Variants in PRXL2A observed in about 807,000 individuals in gnomAD.
The protein encoded by PRXL2A is peroxiredoxin-like 2A.
In PRXL2A, 26 loss-of-function variants were observed where a neutral mutation model predicts 25.6. That is an observed-to-expected ratio of 1.02 (90% CI 0.74 to 1.41). PRXL2A has a LOEUF of 1.41. PRXL2A is among the 40% of genes most tolerant of loss of function. The pLI, the probability that PRXL2A is intolerant of heterozygous loss-of-function variation, is 0.00. For missense variants in PRXL2A, 246 were observed against 273.9 expected, an observed-to-expected ratio of 0.90 and a Z score of 0.72; for synonymous variants, 98 against 102.9, an observed-to-expected ratio of 0.95 and a Z score of 0.29.
chr10:80,423,654 A>C (rs1268755711), intron 3 of PRXL2A, among the ~76,000 whole-genome samples: 2 of 152,136 alleles, frequency 1.3e-5, no homozygotes, highest in Non-Finnish European at 2.9e-5. Context: ...GTGGGTCCTC[A>C]CCATAGCCCT....
In PRXL2A at chr10:80,432,011, A is replaced by G. The variant is rs551469759; in HGVS notation, c.602A>G (p.Lys201Arg). Residue 201 changes from lysine (K) to arginine (R), a missense_variant, in exon 6 of 6, where the codon AAA (lysine) becomes AGA (arginine). Physicochemically the swap from Lys to Arg is conservative, Grantham distance 26 (BLOSUM62 2). Transcript: ENST00000606162. Reference sequence around the variant, plus strand: ...GGCATTCTTCTTGAGCACCGAGAAAAAGAATTTGGAGACAAAGTAAACCTA... The same window carrying G: ...GGCATTCTTCTTGAGCACCGAGAAAGAGAATTTGGAGACAAAGTAAACCTA... ...KQGILLEHRE[K>R]EFGDKVNLLS... 5.6e-6 allele frequency: 9 copies of G among 1,611,736 alleles called. No individual in the cohort carries two copies. The highest frequency in any genetic ancestry group is 7.6e-6 in the Non-Finnish European group (9 of 1,179,260).
chr10:80,426,204 C>T (rs1267366073), intron 4 of PRXL2A, among the ~76,000 whole-genome samples, 198 bp downstream of exon 4: 1 of 152,208 alleles, frequency 6.6e-6, no homozygotes, highest in Admixed American at 6.5e-5. Context: ...CAGTTACAGA[C>T]AGTCCCTGAC....
intron 1 of PRXL2A, chr10:80,413,904 C>A (rs557829535): frequency 1.6e-6 from 2 of 1,218,822 alleles, no homozygotes; most frequent in Non-Finnish European, 2.1e-6. Flanking sequence ...AAGTTTGAAG[C>A]GTCTGAGGTT....
intron 5 of PRXL2A, 143 bp downstream of exon 5, chr10:80,427,639 G>A: frequency 1.4e-6 from 1 of 736,438 alleles, no homozygotes; most frequent in South Asian, 1.9e-5. Context: ...ACATGAAGAA[G>A]GGAAGGGAAG....
intron 2 of PRXL2A, 52 bp from the exon 3 acceptor site, chr10:80,422,365 G>C: frequency 2.1e-6 from 3 of 1,450,580 alleles, no homozygotes; most frequent in Non-Finnish European, 2.9e-6. Flanking sequence ...GCTGCTTAGT[G>C]ATTGGGGCTG....
At chr10:80,426,134 T>G in intron 4 of PRXL2A, 128 bp downstream of exon 4, 2 of 1,159,196 alleles carry the variant, frequency 1.7e-6, no homozygotes, top group Non-Finnish European at 2.5e-6. Flanking sequence ...GTCCTGAACT[T>G]GCAAGGCCTT....
intron 1 of PRXL2A, chr10:80,413,836 CTTCT>C (rs1220341603): frequency 8.4e-7 from 1 of 1,193,872 alleles, no homozygotes. Flanking sequence ...CCTGGATATA[CTTCT>C]TTGTCAAGAG....
Position 80,432,332 on chromosome 10 carries a change from A to G in PRXL2A, c.*233A>G. On this transcript the variant is annotated 3_prime_UTR_variant, in exon 6 of 6. Coordinates refer to ENST00000606162, the MANE Select transcript of PRXL2A (RefSeq NM_032333.5). Reference sequence around the variant, plus strand: ...GAGGATTATTAAGCTAAAACCTGGGAAATAGGAGGCTTAAAATTGACTGCC... The same window carrying G: ...GAGGATTATTAAGCTAAAACCTGGGGAATAGGAGGCTTAAAATTGACTGCC... 1 of 447,798 alleles carries G rather than the reference A, an allele frequency of 2.2e-6. No individual in the cohort carries two copies. The highest frequency in any genetic ancestry group is 3.9e-6 in the Non-Finnish European group (1 of 257,304). The allele number at this position is 447,798 out of a possible 1,614,324, so 27.7% of individuals were successfully genotyped here. A position where few individuals can be genotyped will look rare whatever the true frequency, so the allele number is the denominator to read the frequency against.
chr10:80,427,606 C>A, intron 5 of PRXL2A, 110 bp downstream of exon 5: 2 of 1,100,858 alleles, frequency 1.8e-6, no homozygotes, highest in Non-Finnish European at 1.3e-6. Flanking sequence ...GGTCTCCTAG[C>A]CTTCCTTCTA....
chr10:80,414,773 A>T (rs1441652184), intron 1 of PRXL2A, among the ~76,000 whole-genome samples: 1 of 152,220 alleles, frequency 6.6e-6, no homozygotes, highest in Admixed American at 6.5e-5. Flanking sequence ...TTGCATCACA[A>T]GACTGTTGAG....
chr10:80,409,838 A>G (rs2131872480), intron 1 of PRXL2A, among the ~76,000 whole-genome samples: 1 of 152,338 alleles, frequency 6.6e-6, no homozygotes, highest in South Asian at 2.1e-4. Context: ...TGATTCTTGC[A>G]ACTCTGTAGA....
intron 5 of PRXL2A, among the ~76,000 whole-genome samples, chr10:80,428,010 A>T (rs1346629602): frequency 6.6e-6 from 1 of 152,228 alleles, no homozygotes; most frequent in Non-Finnish European, 1.5e-5. Context: ...ATAGAAAAAA[A>T]AATAAGAGGA....
intron 4 of PRXL2A, among the ~76,000 whole-genome samples, chr10:80,426,879 C>T (rs924635302): frequency 2.0e-5 from 3 of 152,046 alleles, no homozygotes; most frequent in Non-Finnish European, 4.4e-5. Flanking sequence ...CATGGTGGCT[C>T]ATGCCTGTAA....
At position 80,415,114 on chromosome 10, in the gene PRXL2A, T is replaced by G. The variant is rs185186489; in HGVS notation, c.-2-5352T>G. ...TTCCTGGAAGTGAATTTTCTGTGCTTCTCTCTGGCACAAGAGTGGGCTGCT... is the reference window on the plus strand; with the variant it reads ...TTCCTGGAAGTGAATTTTCTGTGCTGCTCTCTGGCACAAGAGTGGGCTGCT... On this transcript the variant is annotated intron_variant, in intron 1 of 5. Transcript: ENST00000606162. Among the ~76,000 whole-genome samples the G allele has an allele frequency of 2.1e-3, 324 of 152,266 alleles. 2 individuals carry two copies. The highest frequency in any genetic ancestry group is 6.8e-3 in the Middle Eastern group (2 of 294).
At chr10:80,420,753 CA>C (rs1189523920) in intron 2 of PRXL2A, 108 bp downstream of exon 2, 1 of 812,660 alleles carries the variant, frequency 1.2e-6, no homozygotes, top group African/African-American at 1.8e-5. Flanking sequence ...GATAATATAA[CA>C]ACATTAGGAA....
upstream of PRXL2A, chr10:80,408,529 C>T (rs1160659617): frequency 6.6e-6 from 1 of 152,178 alleles, no homozygotes; most frequent in African/African-American, 2.4e-5. Context: ...GCAGCACAGG[C>T]TAGAGGCTGC....
rs534342497 is a variant in PRXL2A at position 80,434,449 on chromosome 10, G to C, written c.*2350G>C. On this transcript the variant is annotated 3_prime_UTR_variant, in exon 6 of 6. Transcript: ENST00000606162. ...ATATTATGACACTGCTTCTCAGACT[G>C]TAATGTACATGCACATCACATAAGG... 1.6e-4 allele frequency: 24 copies of C among 152,304 alleles called. No homozygotes were observed. The highest frequency in any genetic ancestry group is 3.2e-4 in the Non-Finnish European group (22 of 68,026). 9.4% of individuals were successfully genotyped at this position (152,304 alleles called of 1,614,324 possible).
At chr10:80,411,284 A>G (rs1164531551) in intron 1 of PRXL2A, among the ~76,000 whole-genome samples, 1 of 152,222 alleles carries the variant, frequency 6.6e-6, no homozygotes. Context: ...TTGGCTTCAG[A>G]TTATAAGCTG....
Position 80,434,582 on chromosome 10 carries a change from T to G in PRXL2A, c.*2483T>G, listed in dbSNP as rs1316168592. On this transcript the variant is annotated 3_prime_UTR_variant, in exon 6 of 6. Coordinates refer to ENST00000606162, the MANE Select transcript of PRXL2A (RefSeq NM_032333.5). ...AGAGTCCTCAGTATAGAACTGAGCT[T>G]AGCTCCAATCTGTGCAGAGGTGATG... The G allele has an allele frequency of 6.6e-6, 1 of 152,162 alleles. No homozygotes were observed. The highest frequency in any genetic ancestry group is 2.4e-5 in the African/African-American group (1 of 41,438). The allele number at this position is 152,162 out of a possible 1,614,324, so 9.4% of individuals were successfully genotyped here.
Sources: allele counts gnomAD v4.1 joint callset (sites outside exome capture counted in the v4.1 genomes callset), GRCh38; gene constraint gnomAD v4.1.1; transcripts MANE v1.5; gene names NCBI Gene and HGNC (gene_info 2026-07-23, HGNC 2026-07-21).